Variants in SCAMP1 observed in about 807,000 individuals in gnomAD.
SCAMP1 encodes secretory carrier-associated membrane protein 1.
Under a neutral mutation model 41.8 loss-of-function variants are expected in SCAMP1, and 15 were observed. The ratio of observed to expected loss-of-function variants is 0.36; its 90% CI spans 0.24 to 0.55. The LOEUF is 0.55. Among genes scored for constraint, SCAMP1 ranks in the 20% least tolerant of loss-of-function variants. SCAMP1 has a pLI of 0.86. For synonymous variants in SCAMP1, 135 were observed against 136.8 expected (o/e 0.99, Z 0.09); for missense variants, 341 against 412.6 (o/e 0.83, Z 1.50).
chr5:78,387,991 GAGCT>G (rs546262149), intron 1 of SCAMP1, among the ~76,000 whole-genome samples: 1 of 152,356 alleles, frequency 6.6e-6, no homozygotes, highest in South Asian at 2.1e-4. Context: ...CAGGACCATA[GAGCT>G]CCCAAGAGAT....
At chr5:78,368,845 A>T (rs1463102830) in intron 1 of SCAMP1, among the ~76,000 whole-genome samples, 2 of 152,146 alleles carry the variant, frequency 1.3e-5, no homozygotes, top group East Asian at 3.9e-4. Flanking sequence ...GTTGCTTTAG[A>T]AAAAGAATCT....
At chr5:78,469,087 A>G (rs1403778828) in intron 8 of SCAMP1, among the ~76,000 whole-genome samples, 1 of 152,152 alleles carries the variant, frequency 6.6e-6, no homozygotes, top group African/African-American at 2.4e-5. Flanking sequence ...AAAATCACAT[A>G]TTATAAGTGG....
chr5:78,387,437 G>A (rs987636235), intron 1 of SCAMP1, among the ~76,000 whole-genome samples: 2 of 146,776 alleles, frequency 1.4e-5, no homozygotes, highest in African/African-American at 5.0e-5. Flanking sequence ...CTTAAAAGTT[G>A]ACCTTCTGAA....
rs1561290939 is a variant in SCAMP1, at chr5:78,469,913, C to CAAAAAAAAAAAAAAAAAAAAAAAA, written c.853-5572_853-5571insAAAAAAAAAAAAAAAAAAAAAAAA. Among the ~76,000 whole-genome samples the CAAAAAAAAAAAAAAAAAAAAAAAA allele has an allele frequency of 6.9e-4, 16 of 23,232 alleles. 1 individual carries two copies. The highest frequency in any genetic ancestry group is 1.7e-3 in the Admixed American group (4 of 2,370). 15.2% of individuals were successfully genotyped at this position (23,232 alleles called of 152,430 possible). The stretch of plus-strand genomic sequence containing the variant: ...ATTAAAAAAAAAAAAAAAAAAAAAA[C>CAAAAAAAAAAAAAAAAAAAAAAAA]AAAAAAAAAAAAAAAAAAACAACAA... On this transcript the variant is annotated intron_variant, in intron 8 of 8. Transcript: ENST00000621999.
intron 1 of SCAMP1, among the ~76,000 whole-genome samples, chr5:78,386,781 A>C (rs1751352313): frequency 6.6e-6 from 1 of 152,188 alleles, no homozygotes; most frequent in Non-Finnish European, 1.5e-5. Flanking sequence ...GATTAAAGGT[A>C]GGACCTCAGC....
At chr5:78,392,918 C>T (rs554103464) in intron 2 of SCAMP1, among the ~76,000 whole-genome samples, 87 of 152,160 alleles carry the variant, frequency 5.7e-4, no homozygotes, top group African/African-American at 7.7e-4. Context: ...TGGTGGTATT[C>T]GTATTTTTAT....
chr5:78,452,357 G>A (rs1441740546), intron 7 of SCAMP1, among the ~76,000 whole-genome samples: 1 of 116,246 alleles, frequency 8.6e-6, no homozygotes, highest in Non-Finnish European at 1.7e-5. Flanking sequence ...CCCCACGACA[G>A]TCCCCAGAGT....
chr5:78,460,796 C>CTTTCTTT (rs1202054068), intron 8 of SCAMP1, among the ~76,000 whole-genome samples: 561 of 35,696 alleles, frequency 0.016, 77 homozygotes, highest in African/African-American at 0.058. Context: ...TTCCTTCCTT[C>CTTTCTTT]CTTCCTTCCT....
chr5:78,393,346 A>T (rs1255995890), intron 2 of SCAMP1, among the ~76,000 whole-genome samples: 1 of 152,028 alleles, frequency 6.6e-6, no homozygotes, highest in Non-Finnish European at 1.5e-5. Flanking sequence ...GTGGCTAATT[A>T]TTTTCTGTAG....
intron 7 of SCAMP1, among the ~76,000 whole-genome samples, chr5:78,459,027 C>T (rs944170571): frequency 2.6e-5 from 4 of 152,122 alleles, no homozygotes; most frequent in African/African-American, 9.7e-5. Flanking sequence ...TGTGTGACCT[C>T]GGGCAGATTA....
Position 78,415,554 on chromosome 5 carries a change from C to A in SCAMP1, c.170C>A (p.Pro57His). 3.1e-6 allele frequency: 5 copies of A among 1,607,670 alleles called. No homozygotes were observed. Among genetic ancestry groups the A allele is most frequent in the Non-Finnish European group, 4.2e-6 (5 of 1,176,950 alleles). The stretch of plus-strand genomic sequence containing the variant: ...GGCGGTGTGAAGATGCCTAATGTAC[C>A]CAATACACAACCAGCAATAATGAAA... ...PPGGVKMPNV[P>H]NTQPAIMKPT... is the part of the protein sequence containing the mutation. Residue 57 changes from proline to histidine, a missense_variant, in exon 3 of 9, where the codon CCC (proline) becomes CAC (histidine). Pro to His is a moderately conservative substitution (Grantham distance 77). Transcript: ENST00000621999.
chr5:78,442,206 G>T (rs1338591739), intron 6 of SCAMP1, among the ~76,000 whole-genome samples: 1 of 152,190 alleles, frequency 6.6e-6, no homozygotes, highest in Non-Finnish European at 1.5e-5. Flanking sequence ...AACTTGTACT[G>T]TTTAGTATTC....
intron 8 of SCAMP1, among the ~76,000 whole-genome samples, chr5:78,460,803 TCCTC>T (rs201683855): frequency 0.12 from 5,356 of 45,626 alleles, 937 homozygotes; most frequent in Non-Finnish European, 0.14. Context: ...CTTCCTTCCT[TCCTC>T]CCTTCCTTCC....
At position 78,413,221 on chromosome 5, in the gene SCAMP1, G is replaced by A. The variant is rs888410527; in HGVS notation, c.136-2299G>A. 2.6e-5 allele frequency among the ~76,000 whole-genome samples: 4 copies of A among 151,820 alleles called. 1 individual carries two copies. The highest frequency in any genetic ancestry group is 1.3e-4 in the Admixed American group (2 of 15,236). On this transcript the variant is annotated intron_variant, in intron 2 of 8. Transcript: ENST00000621999. ...TAACACATTGTTTCTTCACTGTTTT[G>A]TAGTGACACCTCTGTTAGATATCAA...
intron 6 of SCAMP1, among the ~76,000 whole-genome samples, chr5:78,422,206 G>A (rs1270090763): frequency 2.6e-5 from 4 of 151,890 alleles, no homozygotes; most frequent in Non-Finnish European, 5.9e-5. Flanking sequence ...AATAAGAACA[G>A]TCTTAGAAGT....
chr5:78,371,871 A>G (rs768932697), intron 1 of SCAMP1, among the ~76,000 whole-genome samples: 12 of 152,358 alleles, frequency 7.9e-5, no homozygotes, highest in Non-Finnish European at 1.3e-4. Flanking sequence ...AAAGCAAAGG[A>G]TATGCGTATA....
intron 1 of SCAMP1, among the ~76,000 whole-genome samples, chr5:78,380,625 G>T (rs963495804): frequency 6.6e-6 from 1 of 151,858 alleles, no homozygotes; most frequent in Non-Finnish European, 1.5e-5. Flanking sequence ...GGTTACTACT[G>T]CTGCTATTAT....
intron 7 of SCAMP1, among the ~76,000 whole-genome samples, chr5:78,454,699 A>G (rs1753338837): frequency 6.6e-6 from 1 of 152,208 alleles, no homozygotes. Context: ...TGGCCTCATA[A>G]AATGACTTAG....
At chr5:78,382,818 T>TGTGTGC (rs1554041436) in intron 1 of SCAMP1, among the ~76,000 whole-genome samples, 2 of 90,528 alleles carry the variant, frequency 2.2e-5, no homozygotes, top group South Asian at 2.9e-4. Flanking sequence ...TGTGTGTGTG[T>TGTGTGC]GCGCCACATT....
Sources: gnomAD v4.1 joint callset for allele counts (sites outside exome capture counted in the v4.1 genomes callset) on GRCh38, gnomAD v4.1.1 for gene constraint, MANE v1.5 for transcripts, NCBI Gene and HGNC (gene_info 2026-07-23, HGNC 2026-07-21) for gene names.